Variants in DENND6A observed in about 807,000 individuals in gnomAD.
DENND6A encodes DENN domain containing 6A.
In DENND6A, 43 loss-of-function variants were observed where a neutral mutation model predicts 95.5. That is an observed-to-expected ratio of 0.45 (90% CI 0.35 to 0.58). The LOEUF (loss-of-function observed/expected upper bound fraction) is 0.58. Ranked by LOEUF, DENND6A falls within the 20% of genes least tolerant of loss-of-function variation. The pLI is 0.00. For missense variants in DENND6A, 574 were observed against 736.0 expected, an observed-to-expected ratio of 0.78 and a Z score of 2.55; for synonymous variants, 257 against 260.4, an observed-to-expected ratio of 0.99 and a Z score of 0.13.
rs1037439618 is a variant in DENND6A, at chr3:57,628,879, G to A, written c.1627C>T (p.Leu543Phe). The stretch of plus-strand genomic sequence containing the variant: ...TCTGTGTGTTTCTGGATCCAGAGAA[G>A]TAAGTCCTAGAATAAATAAAGTCCC... ...HLEALCEEDL[L>F]LWIQKHTEVE... is the part of the protein sequence containing the mutation. The change falls in exon 19 of 20, where the codon CTT (leucine) becomes TTT (phenylalanine). Residue 543 changes from leucine to phenylalanine, a missense_variant. This residue lies in a region of DENND6A where 452 missense variants were observed against 630.9 expected (regional missense o/e 0.72). Transcript: ENST00000311128. 3 of 1,612,220 alleles carry A rather than the reference G, an allele frequency of 1.9e-6. No homozygotes were observed. Among genetic ancestry groups the A allele is most frequent in the Admixed American group, 1.7e-5 (1 of 59,436 alleles).
chr3:57,683,866 C>G (rs2077187794), intron 1 of DENND6A, among the ~76,000 whole-genome samples: 1 of 152,022 alleles, frequency 6.6e-6, no homozygotes, highest in African/African-American at 2.4e-5. Context: ...AGTTCCAGTT[C>G]CCTTATTTAA....
intron 19 of DENND6A, 55 bp from the exon 20 acceptor site, chr3:57,628,400 C>T (rs1559800792): frequency 3.8e-6 from 6 of 1,569,712 alleles, no homozygotes; most frequent in Non-Finnish European, 4.3e-6. Context: ...TGTATTAATA[C>T]ATTACATTCT....
chr3:57,654,939 TTAATC>T (rs2071294842), intron 9 of DENND6A: 2 of 294,210 alleles, frequency 6.8e-6, no homozygotes, highest in Non-Finnish European at 1.0e-5. Flanking sequence ...AAATAAAGCA[TTAATC>T]TAATCATTAG....
chr3:57,654,233 G>C (rs1158043201), intron 9 of DENND6A, among the ~76,000 whole-genome samples: 1 of 152,008 alleles, frequency 6.6e-6, no homozygotes, highest in African/African-American at 2.4e-5. Context: ...GGGATTACAG[G>C]TGTGAGCCAC....
intron 9 of DENND6A, among the ~76,000 whole-genome samples, chr3:57,653,104 T>A (rs2071244387): frequency 6.6e-6 from 1 of 152,220 alleles, no homozygotes; most frequent in South Asian, 2.1e-4. Flanking sequence ...GTCGCCAGCT[T>A]ACTACCAAAT....
intron 4 of DENND6A, among the ~76,000 whole-genome samples, chr3:57,665,341 T>A (rs1186547599): frequency 1.3e-5 from 2 of 152,212 alleles, no homozygotes; most frequent in African/African-American, 2.4e-5. Flanking sequence ...TGGGTAAGTT[T>A]CTTATGCTCA....
chr3:57,628,441 T>C, intron 19 of DENND6A, 96 bp from the exon 20 acceptor site: 1 of 1,450,302 alleles, frequency 6.9e-7, no homozygotes. Flanking sequence ...GTCTAACAAT[T>C]AGATACTTTC....
chr3:57,692,981 G>A lies in DENND6A; in HGVS notation c.38C>T (p.Ser13Phe). ...LRGPAGLGPGSRRPLDEAVAG... is the reference protein window; with the variant it reads ...LRGPAGLGPGFRRPLDEAVAG... The stretch of plus-strand genomic sequence containing the variant: ...CACCGCTTCGTCCAACGGCCTTCGA[G>A]AGCCGGGCCCCAAGCCCGCAGGGCC... Residue 13 changes from serine to phenylalanine, a missense_variant, in exon 1 of 20, where the codon TCT becomes TTT. Coordinates refer to ENST00000311128, the MANE Select transcript of DENND6A (RefSeq NM_152678.3). The A allele has an allele frequency of 2.6e-6, 4 of 1,524,618 alleles. No homozygotes were observed. Among genetic ancestry groups the A allele is most frequent in the Non-Finnish European group, 3.5e-6 (4 of 1,145,268 alleles). The allele number at this position is 1,524,618 out of a possible 1,614,324, so 94.4% of individuals were successfully genotyped here. A position where few individuals can be genotyped will look rare whatever the true frequency, so the allele number is the denominator to read the frequency against.
chr3:57,674,207 C>T (rs929540044), intron 1 of DENND6A, among the ~76,000 whole-genome samples: 1 of 152,020 alleles, frequency 6.6e-6, no homozygotes, highest in Non-Finnish European at 1.5e-5. Flanking sequence ...CCCGTCTCTA[C>T]TAAAAATACA....
intron 15 of DENND6A, among the ~76,000 whole-genome samples, chr3:57,632,081 G>A (rs1436122415): frequency 6.9e-5 from 10 of 144,908 alleles, no homozygotes; most frequent in Non-Finnish European, 1.3e-4. Context: ...GTGCAGTGGC[G>A]CGATCTCAGC....
intron 3 of DENND6A, among the ~76,000 whole-genome samples, chr3:57,670,132 T>C (rs1001427856): frequency 1.3e-5 from 2 of 151,892 alleles, no homozygotes; most frequent in Non-Finnish European, 2.9e-5. Context: ...TAAAACTAGA[T>C]ATAGGCTATC....
chr3:57,690,362 G>A (rs112854180), intron 1 of DENND6A, among the ~76,000 whole-genome samples: 24 of 152,124 alleles, frequency 1.6e-4, no homozygotes, highest in African/African-American at 5.1e-4. Flanking sequence ...AAAATTAGCC[G>A]GGCGTGGTGC....
At position 57,682,295 on chromosome 3, in the gene DENND6A, A is replaced by G. The variant is rs1443525168; in HGVS notation, c.238-9857T>C. 1.1e-4 allele frequency among the ~76,000 whole-genome samples: 17 copies of G among 148,880 alleles called. No individual in the cohort carries two copies. In the East Asian group the frequency reaches 2.9e-3, roughly 25 times the overall value. On this transcript the variant is annotated intron_variant, in intron 1 of 19. Transcript: ENST00000311128. ...AGACTCCGTCTCAAAAAAAAAAAAA[A>G]AAAAAAAAAAAAAAATTATATTCTG...
In DENND6A at chr3:57,628,797, T is replaced by G. The variant is rs772202498; in HGVS notation, c.1695+14A>C. The G allele has an allele frequency of 6.2e-7, 1 of 1,606,686 alleles. No homozygotes were observed. The highest frequency in any genetic ancestry group is 1.1e-5 in the South Asian group (1 of 89,516). ...GAAAAGTCAATTTAATCTTTGGCTG[T>G]TTTGGCTACATACCAGCTTATTTTT... On this transcript the variant is annotated intron_variant, in intron 19 of 19. Coordinates refer to ENST00000311128, the MANE Select transcript of DENND6A (RefSeq NM_152678.3).
Position 57,672,395 on chromosome 3 carries a change from C to T in DENND6A, c.276+5G>A. 6.2e-7 allele frequency: 1 copy of T among 1,612,930 alleles called. No homozygotes were observed. Among genetic ancestry groups the T allele is most frequent in the East Asian group, 2.2e-5 (1 of 44,766 alleles). ...TAAACTATACAGAGCAGTATTTTTA[C>T]TTACTTCTCTGTCAGTAAGTTTGGA... is the stretch of plus-strand genomic sequence containing the variant. On this transcript the variant is annotated splice_donor_5th_base_variant and intron_variant, in intron 2 of 19. Transcript: ENST00000311128.
In DENND6A at chr3:57,630,524, C is replaced by T; in HGVS notation, c.1518-1G>A. The T allele has an allele frequency of 6.3e-7, 1 of 1,585,942 alleles. No individual in the cohort carries two copies. The highest frequency in any genetic ancestry group is 8.5e-7 in the Non-Finnish European group (1 of 1,173,566). ...AAAATTTGGAGACTTTAGGAAATGC[C>T]TATAAAAATACATTTTAAAAAAGTA... On this transcript the variant is annotated splice_acceptor_variant, in intron 17 of 19. Transcript: ENST00000311128. LOFTEE classifies it high-confidence loss of function.
At chr3:57,682,414 G>A (rs1450696967) in intron 1 of DENND6A, among the ~76,000 whole-genome samples, 1 of 151,142 alleles carries the variant, frequency 6.6e-6, no homozygotes, top group Non-Finnish European at 1.5e-5. Context: ...TTCTAAAGAT[G>A]CTTTGAACTT....
At chr3:57,662,185 CTT>C (rs60063768) in intron 5 of DENND6A, among the ~76,000 whole-genome samples, 1 of 79,136 alleles carries the variant, frequency 1.3e-5, no homozygotes, top group Non-Finnish European at 2.3e-5. Flanking sequence ...TTTCTTTTTT[CTT>C]TTTTTTTTTT....
At chr3:57,679,082 C>T (rs78998076) in intron 1 of DENND6A, among the ~76,000 whole-genome samples, 4 of 152,232 alleles carry the variant, frequency 2.6e-5, no homozygotes, top group South Asian at 4.1e-4. Flanking sequence ...CCACCCTGGA[C>T]GACAGAGTGA....
Sources: gnomAD v4.1 joint callset for allele counts (sites outside exome capture counted in the v4.1 genomes callset) on GRCh38, gnomAD v4.1.1 for gene constraint, gnomAD v4.1.1 regional missense constraint, MANE v1.5 for transcripts, NCBI Gene and HGNC (gene_info 2026-07-23, HGNC 2026-07-21) for gene names.